MAPT: variants seen among roughly 807,000 people sequenced by gnomAD.
The protein encoded by MAPT is microtubule-associated protein tau.
MAPT carries 34 observed loss-of-function variants against 67.9 expected under a neutral mutation model. The ratio of observed to expected loss-of-function variants is 0.50; its 90% CI spans 0.38 to 0.67. MAPT has a LOEUF of 0.67. MAPT is among the 30% of genes least tolerant of loss of function. The pLI is 0.00. For missense variants in MAPT, 881 were observed against 1,115.2 expected, an observed-to-expected ratio of 0.79 and a Z score of 2.99; for synonymous variants, 456 against 464.5, an observed-to-expected ratio of 0.98 and a Z score of 0.23.
At chr17:45,985,744 C>T (rs1045097961) in intron 5 of MAPT, 15 of 985,174 alleles carry the variant, frequency 1.5e-5, no homozygotes, top group African/African-American at 1.4e-4. Flanking sequence ...ACAAAGAACA[C>T]GTGAGTCAGA....
At chr17:45,998,035 G>A (rs1371987393) in intron 9 of MAPT, among the ~76,000 whole-genome samples, 1 of 152,190 alleles carries the variant, frequency 6.6e-6, no homozygotes, top group African/African-American at 2.4e-5. Context: ...TCACTCTGAG[G>A]CTGCAGATGT....
intron 1 of MAPT, among the ~76,000 whole-genome samples, chr17:45,922,685 G>T (rs1597950671): frequency 1.3e-5 from 2 of 152,270 alleles, no homozygotes; most frequent in South Asian, 4.1e-4. Context: ...CATGACTCAG[G>T]GTTTTCACTG....
At chr17:46,013,008 A>G (rs988456836) in intron 10 of MAPT, among the ~76,000 whole-genome samples, 5 of 152,136 alleles carry the variant, frequency 3.3e-5, no homozygotes, top group Non-Finnish European at 5.9e-5. Context: ...CTCCCCATCC[A>G]TAAAGAGCAC....
rs367718776 is a variant in MAPT, at chr17:45,941,620, T to C, written c.-17-20701T>C. ...CTTCCTTCCTTCCCTCCCTCCCCCC[T>C]TCCCTCCTTCCCTCTTTCCCTCCTT... On this transcript the variant is annotated intron_variant, in intron 1 of 12. Coordinates refer to ENST00000262410, the MANE Select transcript of MAPT (RefSeq NM_001377265.1). 3.2e-3 allele frequency among the ~76,000 whole-genome samples: 341 copies of C among 105,668 alleles called. 4 individuals carry two copies. Among genetic ancestry groups the C allele is most frequent in the African/African-American group, 0.013 (313 of 24,870 alleles). The allele number at this position is 105,668 out of a possible 152,430, so 69.3% of individuals were successfully genotyped here. A position where few individuals can be genotyped will look rare whatever the true frequency, so the allele number is the denominator to read the frequency against.
chr17:45,917,898 C>A (rs1011163528), intron 1 of MAPT, among the ~76,000 whole-genome samples: 17 of 152,200 alleles, frequency 1.1e-4, no homozygotes, highest in African/African-American at 4.1e-4. Context: ...CTCGGCCTCC[C>A]GAGCAGCAAG....
chr17:45,991,106 T>G (rs2074021995), intron 7 of MAPT, among the ~76,000 whole-genome samples: 1 of 152,240 alleles, frequency 6.6e-6, no homozygotes, highest in South Asian at 2.1e-4. Flanking sequence ...AATGGATGTC[T>G]GCATATGTGT....
chr17:45,936,940 C>T (rs1317674578), intron 1 of MAPT, among the ~76,000 whole-genome samples: 2 of 152,200 alleles, frequency 1.3e-5, no homozygotes, highest in Non-Finnish European at 2.9e-5. Flanking sequence ...AGTCCCATTC[C>T]ATCTCTCTCC....
intron 1 of MAPT, among the ~76,000 whole-genome samples, chr17:45,956,595 TATA>T (rs2069735939): frequency 1.3e-4 from 4 of 31,482 alleles, no homozygotes; most frequent in African/African-American, 3.9e-4. Flanking sequence ...TATATATATA[TATA>T]TATTTTTTAT....
chr17:45,964,346 A>G (rs2070797592), intron 2 of MAPT, among the ~76,000 whole-genome samples: 1 of 133,820 alleles, frequency 7.5e-6, no homozygotes, highest in Non-Finnish European at 1.6e-5. Context: ...TCCTAATGCT[A>G]TCCCTCCCCC....
intron 2 of MAPT, among the ~76,000 whole-genome samples, chr17:45,967,106 T>A (rs1262832941): frequency 1.3e-5 from 2 of 151,972 alleles, no homozygotes; most frequent in African/African-American, 2.4e-5. Flanking sequence ...GAACAAAGAG[T>A]GTCTAAGTGG....
chr17:46,002,905 C>T (rs1177888816), intron 9 of MAPT, among the ~76,000 whole-genome samples: 3 of 151,998 alleles, frequency 2.0e-5, no homozygotes, highest in Non-Finnish European at 4.4e-5. Flanking sequence ...ACCTCAGCCT[C>T]CTGAGTAGTT....
intron 9 of MAPT, among the ~76,000 whole-genome samples, chr17:46,004,853 C>T (rs570245759): frequency 1.3e-5 from 2 of 152,128 alleles, no homozygotes; most frequent in East Asian, 1.9e-4. Flanking sequence ...GTGCGATCTC[C>T]GCCCACTGCA....
intron 11 of MAPT, among the ~76,000 whole-genome samples, chr17:46,017,359 C>T (rs1319364645): frequency 2.0e-5 from 3 of 151,264 alleles, no homozygotes; most frequent in Non-Finnish European, 4.4e-5. Context: ...CTGCAACCTC[C>T]GCCTCCTGGG....
intron 1 of MAPT, among the ~76,000 whole-genome samples, chr17:45,940,425 T>C (rs921899911): frequency 3.3e-5 from 5 of 152,216 alleles, no homozygotes; most frequent in African/African-American, 1.2e-4. Flanking sequence ...CTGGACAGAA[T>C]CTACCCCATA....
intron 2 of MAPT, among the ~76,000 whole-genome samples, chr17:45,963,709 T>G (rs994665575): frequency 2.6e-5 from 4 of 152,184 alleles, no homozygotes; most frequent in African/African-American, 9.7e-5. Context: ...TGACCTCTGC[T>G]GGATATGTCT....
intron 5 of MAPT, among the ~76,000 whole-genome samples, chr17:45,986,401 T>C (rs1004898937): frequency 6.6e-6 from 1 of 152,170 alleles, no homozygotes; most frequent in Non-Finnish European, 1.5e-5. Flanking sequence ...TTGGTCAGCA[T>C]AAGATGGCCA....
chr17:45,946,080 A>G (rs959750150), intron 1 of MAPT, among the ~76,000 whole-genome samples: 1 of 152,176 alleles, frequency 6.6e-6, no homozygotes, highest in African/African-American at 2.4e-5. Flanking sequence ...CCTTTAAAGA[A>G]TAAGAGTGGT....
At chr17:45,920,643 A>G (rs1324860350) in intron 1 of MAPT, among the ~76,000 whole-genome samples, 1 of 151,932 alleles carries the variant, frequency 6.6e-6, no homozygotes, top group Admixed American at 6.6e-5. Context: ...AGACTGGAGC[A>G]CTCTGACAAG....
rs572814580 is a variant in MAPT at position 45,987,376 on chromosome 17, G to A, written c.1407+281G>A. Among the ~76,000 whole-genome samples the A allele has an allele frequency of 2.0e-5, 3 of 152,212 alleles. No individual in the cohort carries two copies. In the South Asian group the frequency reaches 6.2e-4, roughly 32 times the overall value. ...AGTGAGACCCTGACAGTAAATGAAG[G>A]TGTGTTTGAAAACCAAACCCAGGAC... On this transcript the variant is annotated intron_variant, in intron 6 of 12. Coordinates refer to ENST00000262410, the MANE Select transcript of MAPT (RefSeq NM_001377265.1).
Sources: gnomAD v4.1 joint callset for allele counts (sites outside exome capture counted in the v4.1 genomes callset) on GRCh38, gnomAD v4.1.1 for gene constraint, MANE v1.5 for transcripts, NCBI Gene and HGNC (gene_info 2026-07-23, HGNC 2026-07-21) for gene names.